The following ATRNL1 variants were observed in gnomAD, a reference collection of about 807,000 sequenced individuals.
ATRNL1 encodes attractin-like protein 1.
A neutral mutation model predicts 182.7 loss-of-function variants in ATRNL1; 95 were observed. That is an observed-to-expected ratio of 0.52 (90% confidence interval 0.44 to 0.62). The LOEUF (loss-of-function observed/expected upper bound fraction) is 0.62. Among genes scored for constraint, ATRNL1 ranks in the 20% least tolerant of loss-of-function variants. ATRNL1 has a pLI of 0.00. For missense variants in ATRNL1, 1,471 were observed against 1,679.5 expected (o/e 0.88, Z 2.17); for synonymous variants, 576 against 568.3 (o/e 1.01, Z -0.19).
intron 25 of ATRNL1, among the ~76,000 whole-genome samples, chr10:115,537,700 A>ATTGTTTGTTTGT (rs6144100): frequency 0.7 from 105,921 of 151,376 alleles, 38,139 homozygotes; most frequent in African/African-American, 0.79. Context: ...TTTGGTCCTT[A>ATTGTTTGTTTGT]TTGTTTGTTT....
intron 28 of ATRNL1, among the ~76,000 whole-genome samples, chr10:115,893,483 A>G (rs782398071): frequency 6.6e-6 from 1 of 152,166 alleles, no homozygotes; most frequent in Admixed American, 6.5e-5. Context: ...ATAATATATG[A>G]CTCAACAGAT....
At chr10:115,234,072 A>G (rs1394262972) in intron 9 of ATRNL1, among the ~76,000 whole-genome samples, 1 of 152,014 alleles carries the variant, frequency 6.6e-6, no homozygotes, top group African/African-American at 2.4e-5. Flanking sequence ...TATTTTTCCT[A>G]TTTTAAAATA....
intron 26 of ATRNL1, among the ~76,000 whole-genome samples, chr10:115,708,592 C>G (rs7924043): frequency 0.051 from 7,697 of 151,810 alleles, 626 homozygotes; most frequent in African/African-American, 0.17. Flanking sequence ...ATTTGCTCTT[C>G]CTCTTTTGTT....
chr10:115,587,257 C>G (rs1855579836), intron 26 of ATRNL1, among the ~76,000 whole-genome samples: 1 of 152,142 alleles, frequency 6.6e-6, no homozygotes, highest in African/African-American at 2.4e-5. Context: ...ACAGGCAGCC[C>G]TCCTTGAGCT....
At chr10:115,577,406 A>G (rs1854782835) in intron 26 of ATRNL1, among the ~76,000 whole-genome samples, 3 of 151,724 alleles carry the variant, frequency 2.0e-5, no homozygotes, top group African/African-American at 7.3e-5. Context: ...TTTAATCAAT[A>G]TTTTATAGTT....
intron 20 of ATRNL1, among the ~76,000 whole-genome samples, chr10:115,412,818 A>C (rs530478947): frequency 6.6e-6 from 1 of 152,312 alleles, no homozygotes; most frequent in East Asian, 1.9e-4. Flanking sequence ...AATTGATCTG[A>C]GTAATTTACA....
intron 22 of ATRNL1, among the ~76,000 whole-genome samples, chr10:115,466,922 G>A (rs1343576757): frequency 6.6e-6 from 1 of 150,868 alleles, no homozygotes; most frequent in Non-Finnish European, 1.5e-5. Flanking sequence ...TAAATTACAG[G>A]AGCCTCTGGC....
chr10:115,495,674 T>C (rs1849510614), intron 24 of ATRNL1, among the ~76,000 whole-genome samples: 1 of 151,062 alleles, frequency 6.6e-6, no homozygotes, highest in Admixed American at 6.6e-5. Context: ...TGCACTACTG[T>C]CTGAGAATGC....
chr10:115,367,551 G>A (rs567464880), intron 19 of ATRNL1, among the ~76,000 whole-genome samples: 8 of 152,096 alleles, frequency 5.3e-5, no homozygotes, highest in African/African-American at 7.2e-5. Context: ...GCTTTGTTCC[G>A]TTGCTGGTGA....
intron 1 of ATRNL1, among the ~76,000 whole-genome samples, chr10:115,118,067 T>C (rs1844569097): frequency 6.6e-6 from 1 of 152,166 alleles, no homozygotes; most frequent in East Asian, 1.9e-4. Flanking sequence ...TTTTTTCCTG[T>C]TGAGTTGTTT....
intron 26 of ATRNL1, among the ~76,000 whole-genome samples, chr10:115,659,401 T>G (rs1001937556): frequency 8.5e-5 from 13 of 152,224 alleles, no homozygotes; most frequent in African/African-American, 2.9e-4. Context: ...TGCATATAGC[T>G]CCTTTATTCA....
intron 6 of ATRNL1, among the ~76,000 whole-genome samples, chr10:115,164,030 G>A (rs1037090860): frequency 2.1e-4 from 32 of 152,316 alleles, no homozygotes; most frequent in African/African-American, 7.7e-4. Context: ...GAGGAAGAAA[G>A]AGAAGTTGGG....
intron 27 of ATRNL1, among the ~76,000 whole-genome samples, chr10:115,831,212 G>C (rs1341260661): frequency 2.0e-5 from 3 of 151,974 alleles, no homozygotes; most frequent in South Asian, 2.1e-4. Context: ...CTTTGCTCCC[G>C]GGAGAGAATG....
rs1411171474 is a variant in ATRNL1 at position 115,120,259 on chromosome 10, T to C, written c.368T>C (p.Ile123Thr). The C allele has an allele frequency of 2.0e-5, 30 of 1,536,070 alleles. No homozygotes were observed. Among genetic ancestry groups the C allele is most frequent in the Non-Finnish European group, 2.6e-5 (29 of 1,113,348 alleles). The change falls in exon 2 of 29, where the codon ATT (isoleucine) becomes ACT (threonine). Residue 123 changes from isoleucine to threonine, a missense_variant. Around this residue, in one of 3 missense-constraint regions of ATRNL1, gnomAD observed 1,031 missense variants for 1,156.0 expected, o/e 0.89. Transcript: ENST00000355044. ...YKYKTKCTWL[I>T]EGYPNAVLRL... Reference sequence around the variant, plus strand: ...TATAAAACTAAATGTACTTGGCTCATTGAAGGCTAGTAAGTATACAGTCTG... The same window carrying C: ...TATAAAACTAAATGTACTTGGCTCACTGAAGGCTAGTAAGTATACAGTCTG...
At chr10:115,196,655 A>T (rs1848373144) in intron 8 of ATRNL1, among the ~76,000 whole-genome samples, 1 of 152,058 alleles carries the variant, frequency 6.6e-6, no homozygotes, top group South Asian at 2.1e-4. Flanking sequence ...AAATTCCTAA[A>T]TATTTCATAT....
chr10:115,842,264 A>G (rs573696444), intron 27 of ATRNL1, among the ~76,000 whole-genome samples: 1 of 152,224 alleles, frequency 6.6e-6, no homozygotes, highest in Non-Finnish European at 1.5e-5. Context: ...CTTTTTTGGC[A>G]TGCGATGGTG....
In ATRNL1 at chr10:115,281,536, A is replaced by T. The variant is rs782775668; in HGVS notation, c.2233+49A>T. 3 of 1,559,048 alleles carry T rather than the reference A, an allele frequency of 1.9e-6. No individual in the cohort carries two copies. The South Asian group carries it at 3.5e-5, about 18-fold the overall frequency. ...ATGAGTTTATGGTCTACAGATAAAT[A>T]CTGACATAGAAAAGTACATTTAGTA... On this transcript the variant is annotated intron_variant, in intron 14 of 28. Transcript: ENST00000355044.
chr10:115,365,779 T>C (rs372825486), intron 19 of ATRNL1, among the ~76,000 whole-genome samples: 12 of 152,218 alleles, frequency 7.9e-5, no homozygotes, highest in South Asian at 2.1e-4. Context: ...TCGTTATGTA[T>C]CCAGTAGTCA....
At chr10:115,918,890 A>G (rs1455964956) in intron 28 of ATRNL1, among the ~76,000 whole-genome samples, 1 of 152,230 alleles carries the variant, frequency 6.6e-6, no homozygotes, top group Non-Finnish European at 1.5e-5. Flanking sequence ...GCTGATCTGC[A>G]GTGGGAATCT....
Sources: allele counts gnomAD v4.1 joint callset (sites outside exome capture counted in the v4.1 genomes callset), GRCh38; gene constraint gnomAD v4.1.1; regional missense constraint gnomAD v4.1.1; transcripts MANE v1.5; gene names NCBI Gene and HGNC (gene_info 2026-07-23, HGNC 2026-07-21).